LLGL1: variants seen among roughly 807,000 people sequenced by gnomAD.
LLGL1 encodes the protein lethal(2) giant larvae protein homolog 1.
A neutral mutation model predicts 110.6 loss-of-function variants in LLGL1; 58 were observed. The observed-to-expected ratio is 0.52, with a 90% CI of 0.42 to 0.65. The LOEUF (loss-of-function observed/expected upper bound fraction) is 0.65, where lower values mean the gene tolerates loss of function less well. Ranked by LOEUF, LLGL1 falls within the 30% of genes least tolerant of loss-of-function variation. The pLI, the probability that LLGL1 is intolerant of heterozygous loss-of-function variation, is 0.00. For missense variants in LLGL1, 1,229 were observed against 1,462.1 expected, an observed-to-expected ratio of 0.84 and a Z score of 2.60; for synonymous variants, 674 against 607.2, an observed-to-expected ratio of 1.11 and a Z score of -1.62.
At chr17:18,230,190 C>G (rs113238155) in intron 2 of LLGL1, 152 bp downstream of exon 2, 12 of 560,832 alleles carry the variant, frequency 2.1e-5, no homozygotes, top group Middle Eastern at 3.0e-4. Flanking sequence ...CGGAGGTTGG[C>G]GTGGCTTCTG....
rs765852911 is a variant in LLGL1 at position 18,239,716 on chromosome 17, G to A, written c.2207-862G>A. Reference sequence around the variant, plus strand: ...TGTGCAGTGGATTTTCTCACTGTCTGGATGTGGCGGGTGCAGCTGGGGGTG... The same window carrying A: ...TGTGCAGTGGATTTTCTCACTGTCTAGATGTGGCGGGTGCAGCTGGGGGTG... On this transcript the variant is annotated intron_variant, in intron 16 of 22. Transcript: ENST00000316843. Among the ~76,000 whole-genome samples the A allele has an allele frequency of 1.8e-4, 27 of 152,048 alleles. 1 individual carries two copies. Among genetic ancestry groups the A allele is most frequent in the Non-Finnish European group, 4.4e-5 (3 of 68,014 alleles).
At position 18,240,589 on chromosome 17, in the gene LLGL1, G is replaced by T; in HGVS notation, c.2218G>T (p.Gly740Trp). ...CTTGTTTTCTGCAGGGGCCCACCACGGGCCCACCATGTGGGCTGGCACCAA... is the reference window on the plus strand; with the variant it reads ...CTTGTTTTCTGCAGGGGCCCACCACTGGCCCACCATGTGGGCTGGCACCAA... ...DTFLRDGAHH[G>W]PTMWAGTNSG... The change falls in exon 17 of 23, where the codon GGG becomes TGG. Residue 740 changes from glycine to tryptophan, a missense_variant. Transcript: ENST00000316843. This position sits in a 1 kb window ranked among gnomAD's most constrained non-coding sequence, Gnocchi z 5.3. The T allele has an allele frequency of 6.3e-7, 1 of 1,595,724 alleles. No homozygotes were observed. The highest frequency in any genetic ancestry group is 8.6e-7 in the Non-Finnish European group (1 of 1,167,646).
Position 18,242,260 on chromosome 17 carries a change from G to A in LLGL1, c.2977G>A (p.Ala993Thr), listed in dbSNP as rs1326400002. The A allele has an allele frequency of 1.2e-6, 2 of 1,613,984 alleles. No individual in the cohort carries two copies. The highest frequency in any genetic ancestry group is 4.5e-5 in the East Asian group (2 of 44,882). ...GAGCCTTGATGGAAGCCCTGATCCA[G>A]CCCACAGCATGGGACCTGGTGAGGG... ...PQSLDGSPDP[A>T]HSMGPDTPEP... The change falls in exon 20 of 23, where the codon GCC (alanine) becomes ACC (threonine). Residue 993 changes from alanine (A) to threonine (T), a missense_variant. Transcript: ENST00000316843.
chr17:18,238,024 A>G (rs1470662617), intron 14 of LLGL1, 43 bp from the exon 15 acceptor site: 17 of 1,604,120 alleles, frequency 1.1e-5, no homozygotes, highest in Non-Finnish European at 1.4e-5. Flanking sequence ...TGGCTGCCCC[A>G]GGAGGCTGCT....
At chr17:18,237,175 A>G (rs1050381092) in intron 13 of LLGL1, 3 of 597,776 alleles carry the variant, frequency 5.0e-6, no homozygotes, top group Non-Finnish European at 8.9e-6. Context: ...CACTCACATG[A>G]CATACAGGAG....
intron 2 of LLGL1, among the ~76,000 whole-genome samples, chr17:18,231,040 C>T (rs2746026): frequency 0.36 from 54,441 of 152,066 alleles, 10,698 homozygotes; most frequent in East Asian, 0.6. Context: ...GCGCTGCGTG[C>T]GCACATGTGT....
rs768671136 is a variant in LLGL1 at position 18,242,749 on chromosome 17, T to C, written c.3123T>C (p.Ser1041=). The change falls in exon 22 of 23, where the codon TCT becomes TCC. Residue 1041 remains serine, a synonymous_variant. Transcript: ENST00000316843. The stretch of plus-strand genomic sequence containing the variant: ...CACCATCCCCATCTCGCAGCTCCTC[T>C]GAGGAGTCAGAGAAGAACCTGAGGA... ...VEDVKDFLGS[S]EESEKNLRNL... 1.5e-5 allele frequency: 23 copies of C among 1,568,338 alleles called. No homozygotes were observed. Among genetic ancestry groups the C allele is most frequent in the Non-Finnish European group, 2.0e-5 (23 of 1,155,944 alleles).
chr17:18,243,269 A>G (rs1478461830), intron 22 of LLGL1, among the ~76,000 whole-genome samples: 1 of 152,004 alleles, frequency 6.6e-6, no homozygotes, highest in East Asian at 1.9e-4. Context: ...CACCACACCC[A>G]GCTAATTTTT....
chr17:18,234,632 G>T lies in LLGL1; in HGVS notation c.851-17G>T, dbSNP rs377266636. 1.1e-4 allele frequency: 175 copies of T among 1,613,900 alleles called. No individual in the cohort carries two copies. Among genetic ancestry groups the T allele is most frequent in the Non-Finnish European group, 1.4e-4 (170 of 1,179,890 alleles). On this transcript the variant is annotated splice_polypyrimidine_tract_variant and intron_variant, in intron 7 of 22. Coordinates refer to ENST00000316843, the MANE Select transcript of LLGL1 (RefSeq NM_004140.4). ...GAACCACCAGTGAGTCTGGTCTGAC[G>T]CTGTCCCACCCCTCAGGCCCCTTTC...
Position 18,235,648 on chromosome 17 carries a change from G to A in LLGL1, c.1352+111G>A, listed in dbSNP as rs2047676775. 4.8e-6 allele frequency: 5 copies of A among 1,036,854 alleles called. No individual in the cohort carries two copies. The African/African-American group carries it at 8.0e-5, about 17-fold the overall frequency. 64.2% of individuals were successfully genotyped at this position (1,036,854 alleles called of 1,614,324 possible). ...GGAGACTCAGGCCTGGCCCCTGGTGGGACCAGGTAGTTCCTCCTTGCCCAA... is the reference window on the plus strand; with the variant it reads ...GGAGACTCAGGCCTGGCCCCTGGTGAGACCAGGTAGTTCCTCCTTGCCCAA... On this transcript the variant is annotated intron_variant, in intron 11 of 22. Transcript: ENST00000316843.
rs2047420046 is a variant in LLGL1, at chr17:18,225,673, C to T, written c.-10C>T. ...CGGCGGCGGGCGAGGCGCCTGCAGC[C>T]GGGCGCAAGATGATGAAGTTTCGGT... is the stretch of plus-strand genomic sequence containing the variant. On this transcript the variant is annotated 5_prime_UTR_variant, in exon 1 of 23. Transcript: ENST00000316843. 4.0e-6 allele frequency: 4 copies of T among 1,004,356 alleles called. No individual in the cohort carries two copies. Among genetic ancestry groups the T allele is most frequent in the East Asian group, 1.0e-4 (1 of 9,734 alleles). 62.2% of individuals were successfully genotyped at this position (1,004,356 alleles called of 1,614,324 possible).
At chr17:18,231,145 G>C (rs2047558264) in intron 2 of LLGL1, among the ~76,000 whole-genome samples, 1 of 152,192 alleles carries the variant, frequency 6.6e-6, no homozygotes, top group Non-Finnish European at 1.5e-5. Context: ...AGGAGACTGA[G>C]CCTCAGAAAG....
In LLGL1 at chr17:18,234,859, G is replaced by A; in HGVS notation, c.926G>A (p.Ser309Asn). The part of the protein sequence containing the change: ...CESGGHFIIF[S>N]GGMPRASYGD... ...CATAGGGGCCACTTTATCATCTTCA[G>A]CGGTGGCATGCCCCGTGCCAGCTAT... The change falls in exon 9 of 23, where the codon AGC becomes AAC. Residue 309 changes from serine (S) to asparagine (N), a missense_variant. Coordinates refer to ENST00000316843, the MANE Select transcript of LLGL1 (RefSeq NM_004140.4). The A allele has an allele frequency of 6.2e-7, 1 of 1,614,074 alleles. No individual in the cohort carries two copies. Among genetic ancestry groups the A allele is most frequent in the South Asian group, 1.1e-5 (1 of 91,086 alleles).
At position 18,240,636 on chromosome 17, in the gene LLGL1, T is replaced by C; in HGVS notation, c.2265T>C (p.Tyr755=). Residue 755 remains tyrosine (Y), a synonymous_variant, in exon 17 of 23, where the codon TAT becomes TAC. Coordinates refer to ENST00000316843, the MANE Select transcript of LLGL1 (RefSeq NM_004140.4). This position sits in a 1 kb window ranked among gnomAD's most constrained non-coding sequence, Gnocchi z 5.3. The part of the protein sequence containing the change: ...AGTNSGSVFA[Y]ALEVPAAAVG... The stretch of plus-strand genomic sequence containing the variant: ...CCAACTCAGGCTCTGTGTTCGCCTA[T>C]GCACTGGAGGTGCCGGCAGCAGCAG... 2.5e-6 allele frequency: 4 copies of C among 1,612,900 alleles called. No homozygotes were observed. The highest frequency in any genetic ancestry group is 2.5e-6 in the Non-Finnish European group (3 of 1,179,674).
rs1396163670 is a variant in LLGL1, at chr17:18,236,606, G to A, written c.1353-1G>A. 6.2e-7 allele frequency: 1 copy of A among 1,608,408 alleles called. No individual in the cohort carries two copies. Among genetic ancestry groups the A allele is most frequent in the African/African-American group, 1.3e-5 (1 of 74,960 alleles). On this transcript the variant is annotated splice_acceptor_variant, in intron 11 of 22. Coordinates refer to ENST00000316843, the MANE Select transcript of LLGL1 (RefSeq NM_004140.4). LOFTEE classifies it high-confidence loss of function. Reference sequence around the variant, plus strand: ...AGCCCTGACATCTGCCCTCCCTGCAGCCATGAGGACGGCACCGTGAGGTTC... The same window carrying A: ...AGCCCTGACATCTGCCCTCCCTGCAACCATGAGGACGGCACCGTGAGGTTC...
chr17:18,231,976 C>A (rs2047581082), intron 2 of LLGL1, among the ~76,000 whole-genome samples: 1 of 152,188 alleles, frequency 6.6e-6, no homozygotes, highest in African/African-American at 2.4e-5. Flanking sequence ...TTTTCTTACC[C>A]ATGGCTGAAG....
Position 18,240,571 on chromosome 17 carries a change from T to A in LLGL1, c.2207-7T>A. On this transcript the variant is annotated splice_region_variant and splice_polypyrimidine_tract_variant and intron_variant, in intron 16 of 22. Coordinates refer to ENST00000316843, the MANE Select transcript of LLGL1 (RefSeq NM_004140.4). This position sits in a 1 kb window ranked among gnomAD's most constrained non-coding sequence, Gnocchi z 5.3. ...GGAGCACCCTCCTACGCGCTTGTTT[T>A]CTGCAGGGGCCCACCACGGGCCCAC... 1.3e-6 allele frequency: 2 copies of A among 1,584,262 alleles called. No homozygotes were observed. Among genetic ancestry groups the A allele is most frequent in the Non-Finnish European group, 1.7e-6 (2 of 1,161,526 alleles).
chr17:18,240,756 G>A lies in LLGL1; in HGVS notation c.2385G>A (p.Val795=), dbSNP rs1264990805. 6.8e-6 allele frequency: 11 copies of A among 1,610,908 alleles called. No individual in the cohort carries two copies. Among genetic ancestry groups the A allele is most frequent in the Non-Finnish European group, 9.3e-6 (11 of 1,178,724 alleles). The change falls in exon 17 of 23, where the codon GTG becomes GTA. Residue 795 remains valine, a synonymous_variant. Transcript: ENST00000316843. This position sits in a 1 kb window ranked among gnomAD's most constrained non-coding sequence, Gnocchi z 5.3. Reference sequence around the variant, plus strand: ...GGGCGCCTGTGGTGGCCATTGCCGTGTTGGACGGGCGTGGCCGCCCACTGC... The same window carrying A: ...GGGCGCCTGTGGTGGCCATTGCCGTATTGGACGGGCGTGGCCGCCCACTGC... ...MHRAPVVAIA[V]LDGRGRPLPE... is the part of the protein sequence containing the mutation.
intron 16 of LLGL1, among the ~76,000 whole-genome samples, chr17:18,239,920 G>T (rs1372373796): frequency 6.6e-6 from 1 of 152,112 alleles, no homozygotes; most frequent in South Asian, 2.1e-4. Context: ...GATCCATCGG[G>T]TCATCAGGGA....
Sources: gnomAD v4.1 joint callset for allele counts (sites outside exome capture counted in the v4.1 genomes callset) on GRCh38, gnomAD v4.1.1 for gene constraint, Gnocchi (gnomAD v3.1) non-coding constraint, MANE v1.5 for transcripts, NCBI Gene and HGNC (gene_info 2026-07-23, HGNC 2026-07-21) for gene names.